Variants in SLC30A8 observed in about 807,000 individuals in gnomAD.
The protein encoded by SLC30A8 is solute carrier family 30 member 8, also known as proton-coupled zinc antiporter SLC30A8.
In SLC30A8, 27 loss-of-function variants were observed where a neutral mutation model predicts 36.9. That is an observed-to-expected ratio of 0.73 (90% CI 0.54 to 1.01). SLC30A8 has a LOEUF of 1.01. SLC30A8 is among the 50% of genes least tolerant of loss of function. SLC30A8 has a pLI of 0.00. For synonymous variants in SLC30A8, 164 were observed against 172.4 expected, an observed-to-expected ratio of 0.95 and a Z score of 0.38; for missense variants, 439 against 452.0, an observed-to-expected ratio of 0.97 and a Z score of 0.26.
chr8:117,132,170 T>C (rs1821164059), upstream of SLC30A8, among the ~76,000 whole-genome samples: 1 of 152,042 alleles, frequency 6.6e-6, no homozygotes, highest in Non-Finnish European at 1.5e-5. Context: ...GAACACAAAT[T>C]GTAAGTACTT....
chr8:117,146,728 A>G, intron 1 of SLC30A8: 2 of 970,960 alleles, frequency 2.1e-6, no homozygotes, highest in Non-Finnish European at 2.8e-6. Context: ...TGACTGAATA[A>G]GAGTTTGACT....
chr8:117,060,646 CA>C (rs998831064), intron 2 of SLC30A8, among the ~76,000 whole-genome samples: 1 of 152,290 alleles, frequency 6.6e-6, no homozygotes, highest in Non-Finnish European at 1.5e-5. Flanking sequence ...TTCCCTACTC[CA>C]GAGACAATTT....
intron 2 of SLC30A8, among the ~76,000 whole-genome samples, chr8:117,110,621 C>T (rs1389788008): frequency 1.3e-5 from 2 of 152,142 alleles, no homozygotes; most frequent in African/African-American, 4.8e-5. Flanking sequence ...TCCTGAGCCC[C>T]AGACTCTCTG....
At chr8:117,141,420 T>C (rs902435141) in intron 1 of SLC30A8, among the ~76,000 whole-genome samples, 1 of 152,140 alleles carries the variant, frequency 6.6e-6, no homozygotes, top group Admixed American at 6.5e-5. Flanking sequence ...AAAGCTCACA[T>C]GATTATCTCA....
At chr8:117,061,793 T>C (rs150749442) in intron 2 of SLC30A8, among the ~76,000 whole-genome samples, 15 of 152,286 alleles carry the variant, frequency 9.8e-5, no homozygotes, top group African/African-American at 3.6e-4. Flanking sequence ...ATTTTACTTA[T>C]GGAGTCCCTG....
In SLC30A8 at chr8:117,106,414, G is replaced by C. The variant is rs911726902; in HGVS notation, c.-225-28866G>C. On this transcript the variant is annotated intron_variant, in intron 2 of 10. Coordinates refer to the SLC30A8 transcript ENST00000427715. ...AATGGCAGAAACCACAATTATGTTT[G>C]TACCAACCTAATACATTATTGAGTT... Among the ~76,000 whole-genome samples the C allele has an allele frequency of 1.2e-4, 18 of 152,240 alleles. No homozygotes were observed. In the East Asian group the frequency reaches 3.3e-3, roughly 28 times the overall value.
chr8:117,170,905 T>C, intron 6 of SLC30A8, 129 bp from the exon 7 acceptor site: 1 of 739,114 alleles, frequency 1.4e-6, no homozygotes. Flanking sequence ...TTGTAAACAT[T>C]TGAAGTAAGA....
intron 1 of SLC30A8, among the ~76,000 whole-genome samples, chr8:116,988,645 C>T (rs1815531264): frequency 6.6e-6 from 1 of 152,286 alleles, no homozygotes; most frequent in Non-Finnish European, 1.5e-5. Flanking sequence ...ATGCGTGTTT[C>T]TCTTAGAACA....
intron 2 of SLC30A8, among the ~76,000 whole-genome samples, chr8:117,095,936 G>T (rs1410052432): frequency 6.6e-6 from 1 of 152,106 alleles, no homozygotes; most frequent in Non-Finnish European, 1.5e-5. Flanking sequence ...CCCAGTTTGG[G>T]TAAGAGTTCA....
intron 1 of SLC30A8, among the ~76,000 whole-genome samples, chr8:117,002,914 T>A (rs1244482393): frequency 6.6e-6 from 1 of 150,710 alleles, no homozygotes; most frequent in Non-Finnish European, 1.5e-5. Flanking sequence ...AAAGATGTTA[T>A]TTTTTTTTAG....
At chr8:117,114,620 C>T (rs1356177865) in intron 2 of SLC30A8, among the ~76,000 whole-genome samples, 1 of 151,972 alleles carries the variant, frequency 6.6e-6, no homozygotes, top group African/African-American at 2.4e-5. Context: ...GCCAAAGGGT[C>T]TCGAGTTCCT....
intron 1 of SLC30A8, among the ~76,000 whole-genome samples, chr8:116,964,186 G>A (rs1047135255): frequency 2.1e-4 from 32 of 152,122 alleles, no homozygotes; most frequent in African/African-American, 7.2e-4. Context: ...AATTTGACCT[G>A]TTTTTCCTAA....
chr8:117,086,256 T>A (rs1201755153), intron 2 of SLC30A8, among the ~76,000 whole-genome samples: 1 of 152,120 alleles, frequency 6.6e-6, no homozygotes, highest in Non-Finnish European at 1.5e-5. Flanking sequence ...TGACAGAAGA[T>A]GAACACTCCC....
At chr8:116,951,386 T>G (rs1299620580) in intron 1 of SLC30A8, among the ~76,000 whole-genome samples, 1 of 152,184 alleles carries the variant, frequency 6.6e-6, no homozygotes, top group Non-Finnish European at 1.5e-5. Flanking sequence ...AGAAAAATAC[T>G]GAAATTAACA....
chr8:117,176,550 G>C lies in SLC30A8; in HGVS notation c.*3869G>C, dbSNP rs1823700899. ...AGTGATGAGGCCACTTAACAGTCCA[G>C]CGCAGGCGGATGTTAAAAAAAATAA... On this transcript the variant is annotated 3_prime_UTR_variant, in exon 8 of 8. Transcript: ENST00000456015. 1 of 152,498 alleles carries C rather than the reference G, an allele frequency of 6.6e-6. No individual in the cohort carries two copies. Among genetic ancestry groups the C allele is most frequent in the Admixed American group, 6.6e-5 (1 of 15,234 alleles). 9.4% of individuals were successfully genotyped at this position (152,498 alleles called of 1,614,324 possible). A position where few individuals can be genotyped will look rare whatever the true frequency, so the allele number is the denominator to read the frequency against.
chr8:117,086,511 CCTTA>C (rs1386374392), intron 2 of SLC30A8, among the ~76,000 whole-genome samples: 1 of 152,162 alleles, frequency 6.6e-6, no homozygotes, highest in East Asian at 1.9e-4. Flanking sequence ...GCAACAAGCA[CCTTA>C]CTTCTGGCTC....
chr8:117,057,964 A>G (rs1486182460), intron 2 of SLC30A8, among the ~76,000 whole-genome samples: 2 of 152,214 alleles, frequency 1.3e-5, no homozygotes, highest in South Asian at 2.1e-4. Flanking sequence ...AGGAAATTCC[A>G]TACTGTTTTT....
At chr8:116,990,627 A>G (rs955154240) in intron 1 of SLC30A8, among the ~76,000 whole-genome samples, 2 of 152,184 alleles carry the variant, frequency 1.3e-5, no homozygotes, top group Non-Finnish European at 2.9e-5. Context: ...TGATGACTAT[A>G]TGCAATGTGG....
chr8:116,954,602 G>C (rs1814123967), intron 1 of SLC30A8, among the ~76,000 whole-genome samples: 1 of 152,182 alleles, frequency 6.6e-6, no homozygotes, highest in South Asian at 2.1e-4. Context: ...AACAATTTCT[G>C]TGGAATGGTA....
Sources: gnomAD v4.1 joint callset for allele counts (sites outside exome capture counted in the v4.1 genomes callset) on GRCh38, gnomAD v4.1.1 for gene constraint, MANE v1.5 for transcripts, NCBI Gene and HGNC (gene_info 2026-07-23, HGNC 2026-07-21) for gene names.